The following RBFOX1 variants were observed in gnomAD, a reference collection of about 807,000 sequenced individuals.
RBFOX1 encodes RNA binding fox-1 homolog 1.
In RBFOX1, 8 loss-of-function variants were observed where a neutral mutation model predicts 57.7. The observed-to-expected ratio is 0.14, with a 90% CI of 0.08 to 0.25. The LOEUF (loss-of-function observed/expected upper bound fraction) is 0.25, where lower values mean the gene tolerates loss of function less well. Ranked by LOEUF, RBFOX1 falls within the 10% of genes least tolerant of loss-of-function variation. RBFOX1 has a pLI of 1.00. For synonymous variants in RBFOX1, 326 were observed against 222.4 expected (o/e 1.47, Z -4.15); for missense variants, 611 against 548.5 (o/e 1.11, Z -1.14).
intron 3 of RBFOX1, among the ~76,000 whole-genome samples, chr16:6,987,925 A>G (rs1387064161): frequency 6.6e-6 from 1 of 152,048 alleles, no homozygotes; most frequent in African/African-American, 2.4e-5. Context: ...GGCTGGAATG[A>G]GATCCCACAG....
At chr16:5,250,079 A>T (rs573547995) in intron 1 of RBFOX1, among the ~76,000 whole-genome samples, 1 of 151,788 alleles carries the variant, frequency 6.6e-6, no homozygotes, top group African/African-American at 2.4e-5. Context: ...CAGTGAGCCG[A>T]GATTGTGTCC....
At chr16:6,848,155 AC>A (rs1042152653) in intron 3 of RBFOX1, among the ~76,000 whole-genome samples, 4 of 151,734 alleles carry the variant, frequency 2.6e-5, no homozygotes, top group African/African-American at 9.7e-5. Flanking sequence ...ATGCTGTGTT[AC>A]CCCACAAGGA....
intron 1 of RBFOX1, among the ~76,000 whole-genome samples, chr16:6,115,544 T>C (rs1208770168): frequency 6.6e-6 from 1 of 150,906 alleles, no homozygotes; most frequent in Non-Finnish European, 1.5e-5. Context: ...ATAACGTCTG[T>C]TTTTTTTCCC....
At chr16:5,281,729 G>A (rs1284308435) in intron 1 of RBFOX1, among the ~76,000 whole-genome samples, 4 of 152,056 alleles carry the variant, frequency 2.6e-5, no homozygotes, top group Non-Finnish European at 5.9e-5. Flanking sequence ...TTTATCTGAT[G>A]TAAGTTTAAC....
chr16:7,413,982 T>C (rs1297115151), intron 4 of RBFOX1, among the ~76,000 whole-genome samples: 2 of 152,224 alleles, frequency 1.3e-5, no homozygotes, highest in African/African-American at 2.4e-5. Context: ...TTCTCAGATG[T>C]TGGTGACTAT....
chr16:5,261,085 C>T (rs1157343052), intron 1 of RBFOX1: 1 of 152,176 alleles, frequency 6.6e-6, no homozygotes, highest in Non-Finnish European at 1.5e-5. Flanking sequence ...GGAAAATAAA[C>T]AAGAAGTTAT....
chr16:6,818,408 C>T (rs931127162), intron 3 of RBFOX1, among the ~76,000 whole-genome samples: 6 of 151,838 alleles, frequency 4.0e-5, no homozygotes, highest in African/African-American at 9.7e-5. Context: ...CTTCATCTGA[C>T]GTACAGATCC....
chr16:7,441,578 T>G (rs1279051015), intron 4 of RBFOX1, among the ~76,000 whole-genome samples: 1 of 152,228 alleles, frequency 6.6e-6, no homozygotes, highest in Non-Finnish European at 1.5e-5. Context: ...CACTTTAGTT[T>G]CACCCATATG....
chr16:6,551,138 A>C (rs945353241), intron 2 of RBFOX1, among the ~76,000 whole-genome samples: 3 of 152,180 alleles, frequency 2.0e-5, no homozygotes, highest in Middle Eastern at 3.2e-3. Context: ...TGAGATTAAC[A>C]CAAAGCAAAG....
chr16:7,419,388 G>A (rs1462190841), intron 4 of RBFOX1, among the ~76,000 whole-genome samples: 6 of 152,140 alleles, frequency 3.9e-5, no homozygotes, highest in African/African-American at 1.2e-4. Flanking sequence ...CTGAATTTAA[G>A]CTGGACACCT....
intron 4 of RBFOX1, among the ~76,000 whole-genome samples, chr16:7,315,230 G>A (rs2096409971): frequency 6.6e-6 from 1 of 151,782 alleles, no homozygotes; most frequent in African/African-American, 2.4e-5. Context: ...GGAGTTTGAG[G>A]GGGTAAAACA....
At chr16:5,508,420 C>T (rs1198509321) in intron 2 of RBFOX1, among the ~76,000 whole-genome samples, 1 of 152,202 alleles carries the variant, frequency 6.6e-6, no homozygotes, top group African/African-American at 2.4e-5. Context: ...AGTCTCCTAG[C>T]AAGGTAGATG....
intron 11 of RBFOX1, among the ~76,000 whole-genome samples, chr16:7,646,449 C>A (rs1337341365): frequency 6.6e-6 from 1 of 152,204 alleles, no homozygotes; most frequent in Admixed American, 6.5e-5. Flanking sequence ...ACCCACAGAA[C>A]AATTTCACCC....
At chr16:6,045,434 G>C (rs576240071) in intron 1 of RBFOX1, among the ~76,000 whole-genome samples, 1 of 152,308 alleles carries the variant, frequency 6.6e-6, no homozygotes, top group South Asian at 2.1e-4. Flanking sequence ...GTGGGGTCTT[G>C]AGTAGCAAAA....
intron 2 of RBFOX1, among the ~76,000 whole-genome samples, chr16:6,621,339 C>T (rs2098227950): frequency 6.6e-6 from 1 of 152,180 alleles, no homozygotes; most frequent in African/African-American, 2.4e-5. Flanking sequence ...TGGCAGGCGC[C>T]TGTAGTCCCA....
At chr16:7,171,223 C>G (rs540531745) in intron 4 of RBFOX1, among the ~76,000 whole-genome samples, 2 of 152,298 alleles carry the variant, frequency 1.3e-5, no homozygotes, top group South Asian at 2.1e-4. Flanking sequence ...AGGTCTAACC[C>G]TCCATGAACT....
chr16:5,775,589 G>A (rs564999716), intron 3 of RBFOX1, among the ~76,000 whole-genome samples: 1 of 152,284 alleles, frequency 6.6e-6, no homozygotes, highest in Non-Finnish European at 1.5e-5. Flanking sequence ...TGCTCAGGTG[G>A]CCTGTTGGCC....
intron 3 of RBFOX1, among the ~76,000 whole-genome samples, chr16:6,694,821 C>T (rs2060776360): frequency 6.6e-6 from 1 of 152,112 alleles, no homozygotes; most frequent in African/African-American, 2.4e-5. Flanking sequence ...TGACGGAACA[C>T]AGTGATTGGA....
chr16:7,513,812 C>G (rs1409850045), intron 4 of RBFOX1, among the ~76,000 whole-genome samples: 1 of 152,104 alleles, frequency 6.6e-6, no homozygotes, highest in Non-Finnish European at 1.5e-5. Context: ...GCTCATAAGC[C>G]CACTTATGCA....
Sources: allele counts gnomAD v4.1 joint callset (sites outside exome capture counted in the v4.1 genomes callset), GRCh38; gene constraint gnomAD v4.1.1; transcripts MANE v1.5; gene names NCBI Gene and HGNC (gene_info 2026-07-23, HGNC 2026-07-21).